The following UBE3C variants were observed in gnomAD, a reference collection of about 807,000 sequenced individuals.
UBE3C encodes ubiquitin-protein ligase E3C.
A neutral mutation model predicts 129.4 loss-of-function variants in UBE3C; 42 were observed. That is an observed-to-expected ratio of 0.32 (90% CI 0.25 to 0.42). The LOEUF is 0.42. Ranked by LOEUF, UBE3C falls within the 10% of genes least tolerant of loss-of-function variation. UBE3C has a pLI of 1.00. For missense variants in UBE3C, 1,049 were observed against 1,319.1 expected (o/e 0.80, Z 3.17); for synonymous variants, 510 against 492.4 (o/e 1.04, Z -0.47).
chr7:157,180,586 C>T (rs998248710), intron 6 of UBE3C, among the ~76,000 whole-genome samples: 90 of 125,472 alleles, frequency 7.2e-4, no homozygotes, highest in East Asian at 6.0e-4. Flanking sequence ...CTACCAAATA[C>T]GCTTGTATAT....
chr7:157,185,783 C>T (rs944206272), intron 9 of UBE3C, among the ~76,000 whole-genome samples: 4 of 152,118 alleles, frequency 2.6e-5, no homozygotes, highest in African/African-American at 7.2e-5. Context: ...ATTCCTTTCT[C>T]ATTCTGATGT....
chr7:157,254,222 T>C (rs1326544376), intron 20 of UBE3C, 22 bp from the exon 21 acceptor site: 3 of 1,610,562 alleles, frequency 1.9e-6, no homozygotes, highest in Non-Finnish European at 2.5e-6. Flanking sequence ...TCAAATGTTA[T>C]TATTTGAACT....
chr7:157,156,131 TTCC>T (rs763585423), intron 1 of UBE3C, among the ~76,000 whole-genome samples: 27 of 152,158 alleles, frequency 1.8e-4, no homozygotes, highest in Non-Finnish European at 3.7e-4. Context: ...GGTGAACTTG[TTCC>T]TCATTATATT....
chr7:157,202,664 GAAA>G (rs939943092), intron 11 of UBE3C, among the ~76,000 whole-genome samples: 1 of 151,868 alleles, frequency 6.6e-6, no homozygotes, highest in African/African-American at 2.4e-5. Context: ...CAAAAAAAAA[GAAA>G]AAAAGAAGTC....
At chr7:157,167,589 A>G (rs77455419) in intron 2 of UBE3C, among the ~76,000 whole-genome samples, 25,445 of 151,210 alleles carry the variant, frequency 0.17, 2,360 homozygotes, top group East Asian at 0.35. Context: ...CCAGGCTGGA[A>G]TGCAGTGGCG....
intron 16 of UBE3C, among the ~76,000 whole-genome samples, chr7:157,224,630 A>AT (rs1245056189): frequency 6.6e-6 from 1 of 152,134 alleles, no homozygotes; most frequent in Admixed American, 6.5e-5. Context: ...TTTTTACCAA[A>AT]TTTCTAAAGA....
chr7:157,198,420 A>G (rs1265901718), intron 10 of UBE3C: 3 of 632,292 alleles, frequency 4.7e-6, no homozygotes, highest in Admixed American at 4.4e-5. Flanking sequence ...GGTTCTTCAC[A>G]TTAAGTTCTG....
chr7:157,239,052 A>G (rs1183171960), intron 18 of UBE3C, among the ~76,000 whole-genome samples: 5 of 152,218 alleles, frequency 3.3e-5, no homozygotes, highest in African/African-American at 9.7e-5. Context: ...GATGGGCTGA[A>G]AAGAATGTCA....
chr7:157,225,915 G>A (rs1795866244), intron 17 of UBE3C, among the ~76,000 whole-genome samples: 1 of 152,178 alleles, frequency 6.6e-6, no homozygotes, highest in Admixed American at 6.5e-5. Context: ...TTGTGCTACT[G>A]CTCAGGCCTT....
chr7:157,229,471 C>G (rs773215115), intron 17 of UBE3C, among the ~76,000 whole-genome samples: 1 of 151,992 alleles, frequency 6.6e-6, no homozygotes, highest in Non-Finnish European at 1.5e-5. Context: ...TGCACCACCA[C>G]GCCCGGCTAA....
At chr7:157,227,561 G>A (rs1017680050) in intron 17 of UBE3C, among the ~76,000 whole-genome samples, 4 of 151,794 alleles carry the variant, frequency 2.6e-5, no homozygotes, top group Admixed American at 6.6e-5. Flanking sequence ...ATAGCTGGGC[G>A]TGGTGGTAGG....
At chr7:157,157,069 A>G (rs1205989435) in intron 1 of UBE3C, among the ~76,000 whole-genome samples, 1 of 152,200 alleles carries the variant, frequency 6.6e-6, no homozygotes, top group Non-Finnish European at 1.5e-5. Context: ...TGTAGGCATG[A>G]TCCTAATTCA....
intron 11 of UBE3C, among the ~76,000 whole-genome samples, chr7:157,206,641 T>G (rs1563055872): frequency 6.6e-6 from 1 of 151,778 alleles, no homozygotes; most frequent in Admixed American, 6.6e-5. Flanking sequence ...CAGGCTGGAG[T>G]GCAGTGGCGC....
intron 18 of UBE3C, among the ~76,000 whole-genome samples, chr7:157,233,253 C>A (rs191287458): frequency 6.7e-4 from 102 of 152,208 alleles, no homozygotes; most frequent in African/African-American, 2.1e-3. Context: ...TTTGAAGGGC[C>A]AAATCTTATT....
rs1308194591 is a variant in UBE3C at position 157,257,062 on chromosome 7, C to G, written c.3081+18C>G. 1.5e-5 allele frequency: 25 copies of G among 1,613,454 alleles called. No homozygotes were observed. The highest frequency in any genetic ancestry group is 3.3e-5 in the Admixed American group (2 of 59,880). Reference sequence around the variant, plus strand: ...GGTTTAAGGTACACAACTTTCATGACATTTGCTTTAAAGACCACTTCATAA... The same window carrying G: ...GGTTTAAGGTACACAACTTTCATGAGATTTGCTTTAAAGACCACTTCATAA... On this transcript the variant is annotated intron_variant, in intron 22 of 22. Coordinates refer to ENST00000348165, the MANE Select transcript of UBE3C (RefSeq NM_014671.3).
intron 11 of UBE3C, among the ~76,000 whole-genome samples, chr7:157,202,728 G>T (rs1809325565): frequency 6.6e-6 from 1 of 152,242 alleles, no homozygotes; most frequent in South Asian, 2.1e-4. Flanking sequence ...GTGTAATTCA[G>T]TTAATTGGAG....
Position 157,162,602 on chromosome 7 carries a change from CA to C in UBE3C, c.67-1206del, listed in dbSNP as rs750065923. 5.3e-5 allele frequency among the ~76,000 whole-genome samples: 8 copies of C among 149,780 alleles called. No individual in the cohort carries two copies. The East Asian group carries it at 6.0e-4, about 11-fold the overall frequency. On this transcript the variant is annotated intron_variant, in intron 1 of 22. Coordinates refer to ENST00000348165, the MANE Select transcript of UBE3C (RefSeq NM_014671.3). ...TCACTCAGGCTGGAGAGTGGTAGCT[CA>C]ATCCTGGCTCACTGCAGCCTTGACC...
At chr7:157,144,166 C>T (rs1283917858) in intron 1 of UBE3C, among the ~76,000 whole-genome samples, 4 of 152,234 alleles carry the variant, frequency 2.6e-5, no homozygotes, top group Admixed American at 2.6e-4. Context: ...GATGCTGTGG[C>T]GCACGCCTAC....
At chr7:157,257,946 C>CT (rs755192643) in intron 22 of UBE3C, among the ~76,000 whole-genome samples, 2,855 of 135,886 alleles carry the variant, frequency 0.021, 45 homozygotes, top group African/African-American at 0.041. Flanking sequence ...TTCCTTTTTT[C>CT]TTTTTTTTTT....
Sources: allele counts gnomAD v4.1 joint callset (sites outside exome capture counted in the v4.1 genomes callset), GRCh38; gene constraint gnomAD v4.1.1; transcripts MANE v1.5; gene names NCBI Gene and HGNC (gene_info 2026-07-23, HGNC 2026-07-21).